HDAC9: variants seen among roughly 807,000 people sequenced by gnomAD.
HDAC9 encodes MEF-2 interacting transcription repressor (MITR) protein.
Under a neutral mutation model 139.4 loss-of-function variants are expected in HDAC9, and 41 were observed. That is an observed-to-expected ratio of 0.29 (90% CI 0.23 to 0.38). The LOEUF (loss-of-function observed/expected upper bound fraction) is 0.38, where lower values mean the gene tolerates loss of function less well. Ranked by LOEUF, HDAC9 falls within the 10% of genes least tolerant of loss-of-function variation. The pLI, the probability that HDAC9 is intolerant of heterozygous loss-of-function variation, is 1.00. For synonymous variants in HDAC9, 517 were observed against 476.2 expected, an observed-to-expected ratio of 1.09 and a Z score of -1.12; for missense variants, 1,147 against 1,297.0, an observed-to-expected ratio of 0.88 and a Z score of 1.78.
At chr7:18,392,273 ACTCT>A (rs1169041782) in intron 1 of HDAC9, among the ~76,000 whole-genome samples, 8 of 65,760 alleles carry the variant, frequency 1.2e-4, no homozygotes, top group South Asian at 4.6e-4. Flanking sequence ...TGTCTCTGTC[ACTCT>A]CTCTCTCTCT....
chr7:18,670,819 C>CT (rs112089690), intron 12 of HDAC9, among the ~76,000 whole-genome samples: 3 of 151,272 alleles, frequency 2.0e-5, no homozygotes, highest in East Asian at 3.9e-4. Context: ...GATCAATAAT[C>CT]TTTTTTTAAT....
chr7:18,579,900 T>C (rs1257628384), intron 2 of HDAC9, among the ~76,000 whole-genome samples: 2 of 152,174 alleles, frequency 1.3e-5, no homozygotes, highest in Non-Finnish European at 2.9e-5. Context: ...ATTCTTAAAG[T>C]TTTTTCATAC....
rs190038662 is a variant in HDAC9 at position 18,256,467 on chromosome 7, A to T, written c.25+94118A>T. Among the ~76,000 whole-genome samples, 271 of 152,296 alleles carry T rather than the reference A, an allele frequency of 1.8e-3. 1 individual carries two copies. The highest frequency in any genetic ancestry group is 6.2e-3 in the African/African-American group (258 of 41,560). On this transcript the variant is annotated intron_variant, in intron 2 of 12. Transcript: ENST00000417496. ...AACTGAGTAATGAAATTGATGGTGT[A>T]TTATCAAGGAGCTTCAGGTAAATCA...
At chr7:18,784,199 CAATT>C (rs1562938853) in intron 16 of HDAC9, among the ~76,000 whole-genome samples, 4 of 151,850 alleles carry the variant, frequency 2.6e-5, no homozygotes, top group Non-Finnish European at 2.9e-5. Context: ...ACATATAAGA[CAATT>C]AATCCCTTTA....
intron 2 of HDAC9, among the ~76,000 whole-genome samples, chr7:18,522,731 A>G (rs1014264021): frequency 2.6e-5 from 4 of 152,152 alleles, no homozygotes; most frequent in African/African-American, 9.7e-5. Flanking sequence ...AGCCCATGAT[A>G]TGTCTTAAGA....
intron 12 of HDAC9, among the ~76,000 whole-genome samples, chr7:18,697,403 C>A (rs1783133139): frequency 6.6e-6 from 1 of 152,078 alleles, no homozygotes; most frequent in Non-Finnish European, 1.5e-5. Context: ...CCCATAAAAC[C>A]ATCACCCAGA....
intron 8 of HDAC9, among the ~76,000 whole-genome samples, chr7:18,639,380 A>G (rs982742752): frequency 2.6e-5 from 4 of 152,108 alleles, no homozygotes; most frequent in African/African-American, 9.7e-5. Flanking sequence ...ACATGAGTCA[A>G]TATTTTAAAG....
rs531195751 is a variant in HDAC9, at chr7:18,968,731, G to A, written c.3023-7075G>A. 2.3e-4 allele frequency among the ~76,000 whole-genome samples: 35 copies of A among 152,080 alleles called. No homozygotes were observed. In the South Asian group the frequency reaches 5.6e-3, roughly 24 times the overall value. On this transcript the variant is annotated intron_variant, in intron 24 of 25. Transcript: ENST00000686413. The stretch of plus-strand genomic sequence containing the variant: ...TCCCAGCACTTTGGGAGGCCGAGGC[G>A]GGCGGATCAGGAGGTCAGGAGATCG...
chr7:18,920,730 T>C (rs1241025626), intron 22 of HDAC9, among the ~76,000 whole-genome samples: 1 of 152,128 alleles, frequency 6.6e-6, no homozygotes, highest in Non-Finnish European at 1.5e-5. Context: ...TCAAAGGCCT[T>C]TTCTGCATCT....
At chr7:18,248,599 T>G (rs1472288613) in intron 2 of HDAC9, among the ~76,000 whole-genome samples, 1 of 152,232 alleles carries the variant, frequency 6.6e-6, no homozygotes, top group East Asian at 1.9e-4. Flanking sequence ...CTATTTCATT[T>G]GATCATTGTT....
At chr7:18,818,532 C>G (rs1041971360) in intron 17 of HDAC9, among the ~76,000 whole-genome samples, 3 of 152,186 alleles carry the variant, frequency 2.0e-5, no homozygotes, top group Non-Finnish European at 4.4e-5. Flanking sequence ...ATTCTCTGCA[C>G]TGCAGCTATA....
intron 6 of HDAC9, among the ~76,000 whole-genome samples, chr7:18,614,038 T>C (rs148616927): frequency 1.4e-4 from 21 of 152,162 alleles, no homozygotes; most frequent in Non-Finnish European, 2.6e-4. Flanking sequence ...ATTGTCACCA[T>C]CTTAAAGACT....
At chr7:18,591,139 A>T (rs975904401) in intron 4 of HDAC9, among the ~76,000 whole-genome samples, 1 of 152,172 alleles carries the variant, frequency 6.6e-6, no homozygotes, top group African/African-American at 2.4e-5. Flanking sequence ...TAAGGGATTT[A>T]ATATGGATCT....
chr7:18,704,671 G>T (rs1173743329), intron 12 of HDAC9, among the ~76,000 whole-genome samples: 1 of 152,184 alleles, frequency 6.6e-6, no homozygotes, highest in Non-Finnish European at 1.5e-5. Flanking sequence ...TAAACATACT[G>T]CTGATTTCAG....
chr7:18,107,480 T>C (rs1012744319), intron 1 of HDAC9, among the ~76,000 whole-genome samples: 3 of 152,114 alleles, frequency 2.0e-5, no homozygotes, highest in South Asian at 2.1e-4. Context: ...GATGGCTTCA[T>C]TGAAATACAA....
At chr7:18,136,878 T>C (rs1785460919) in intron 1 of HDAC9, among the ~76,000 whole-genome samples, 1 of 151,998 alleles carries the variant, frequency 6.6e-6, no homozygotes, top group Admixed American at 6.6e-5. Context: ...GCATTGAATC[T>C]GTAAATTACC....
chr7:18,487,827 ACTT>A (rs1796084479), intron 1 of HDAC9, among the ~76,000 whole-genome samples: 1 of 152,050 alleles, frequency 6.6e-6, no homozygotes, highest in Admixed American at 6.6e-5. Context: ...CCACGTATCA[ACTT>A]GACTTTTGTA....
chr7:18,246,824 T>C (rs991483944), intron 2 of HDAC9, among the ~76,000 whole-genome samples: 4 of 152,068 alleles, frequency 2.6e-5, no homozygotes, highest in African/African-American at 9.7e-5. Flanking sequence ...ACTAGGAGGT[T>C]ATCAGTGTAA....
At chr7:18,695,184 C>T (rs941325847) in intron 12 of HDAC9, among the ~76,000 whole-genome samples, 1 of 152,006 alleles carries the variant, frequency 6.6e-6, no homozygotes, top group Non-Finnish European at 1.5e-5. Flanking sequence ...GCTAACAGGG[C>T]AAAAATGATA....
Sources: gnomAD v4.1 joint callset for allele counts (sites outside exome capture counted in the v4.1 genomes callset) on GRCh38, gnomAD v4.1.1 for gene constraint, MANE v1.5 for transcripts, NCBI Gene and HGNC (gene_info 2026-07-23, HGNC 2026-07-21) for gene names.